Variants in ANKS1A observed in about 807,000 individuals in gnomAD.
ANKS1A encodes the protein ankyrin repeat and SAM domain-containing protein 1A.
A neutral mutation model predicts 120.3 loss-of-function variants in ANKS1A; 55 were observed. The ratio of observed to expected loss-of-function variants is 0.46; its 90% CI spans 0.37 to 0.57. The LOEUF (loss-of-function observed/expected upper bound fraction) is 0.57. ANKS1A is among the 20% of genes least tolerant of loss of function. The pLI is 0.00. For synonymous variants in ANKS1A, 590 were observed against 604.7 expected (o/e 0.98, Z 0.36); for missense variants, 1,123 against 1,480.3 (o/e 0.76, Z 3.96).
intron 9 of ANKS1A, among the ~76,000 whole-genome samples, chr6:34,991,539 T>TACACACACAC (rs1309916304): frequency 1.2e-5 from 1 of 85,082 alleles, no homozygotes; most frequent in Admixed American, 1.3e-4. Flanking sequence ...AAAAAAAATA[T>TACACACACAC]ATACACACAC....
chr6:35,056,549 A>G (rs761766013), intron 12 of ANKS1A, among the ~76,000 whole-genome samples: 228 of 152,258 alleles, frequency 1.5e-3, no homozygotes, highest in African/African-American at 4.8e-3. Flanking sequence ...CGGCCTCCCA[A>G]AGTGCTGGGA....
chr6:35,092,710 TC>T (rs746605245), downstream of ANKS1A, among the ~76,000 whole-genome samples: 79 of 152,320 alleles, frequency 5.2e-4, no homozygotes, highest in Non-Finnish European at 3.2e-4. Context: ...CATCATCCCT[TC>T]TGGGACCACC....
chr6:34,955,877 C>T (rs1770336938), intron 1 of ANKS1A, among the ~76,000 whole-genome samples: 2 of 152,148 alleles, frequency 1.3e-5, no homozygotes, highest in Non-Finnish European at 2.9e-5. Flanking sequence ...TCTGGTGGCG[C>T]TTAATTCTTT....
chr6:34,961,967 A>C (rs1332432288), intron 1 of ANKS1A, among the ~76,000 whole-genome samples: 1 of 152,174 alleles, frequency 6.6e-6, no homozygotes, highest in Non-Finnish European at 1.5e-5. Flanking sequence ...TTCGTGTGTG[A>C]TTTGGGGCAA....
chr6:35,095,295 G>A (rs190660402), downstream of ANKS1A, among the ~76,000 whole-genome samples: 28 of 152,114 alleles, frequency 1.8e-4, no homozygotes, highest in East Asian at 1.9e-3. Context: ...ATTTCTGGCC[G>A]GGCATGGTGA....
At chr6:35,063,475 G>A (rs1055762504) in intron 13 of ANKS1A, among the ~76,000 whole-genome samples, 5 of 152,258 alleles carry the variant, frequency 3.3e-5, no homozygotes, top group African/African-American at 9.6e-5. Flanking sequence ...GGAGTGCTAA[G>A]TAGATATTTA....
chr6:35,012,646 T>C (rs978218543), intron 10 of ANKS1A, among the ~76,000 whole-genome samples: 2 of 152,232 alleles, frequency 1.3e-5, no homozygotes, highest in Admixed American at 1.3e-4. Flanking sequence ...TGAAGTGTTA[T>C]TATTCAAAAG....
intron 2 of ANKS1A, 70 bp downstream of exon 2, chr6:34,967,389 T>G: frequency 1.3e-6 from 2 of 1,528,176 alleles, no homozygotes. Flanking sequence ...CCTTTTCATT[T>G]CCTAGAAAAG....
In ANKS1A at chr6:35,002,184, G is replaced by A. The variant is rs117285405; in HGVS notation, c.1423+7762G>A. Among the ~76,000 whole-genome samples the A allele has an allele frequency of 5.3e-4, 80 of 152,182 alleles. No individual in the cohort carries two copies. The East Asian group carries it at 0.013, about 24-fold the overall frequency. On this transcript the variant is annotated intron_variant, in intron 10 of 23. Transcript: ENST00000360359. ...CCTCACTCTTGGTATCAGAGAGCCC[G>A]GTTAAACATAACTGTGTAGAGGCAT...
intron 8 of ANKS1A, among the ~76,000 whole-genome samples, chr6:34,986,476 C>T (rs1370333576): frequency 6.6e-6 from 1 of 152,186 alleles, no homozygotes; most frequent in East Asian, 1.9e-4. Context: ...AGTGCTAACC[C>T]CATCTGGAGA....
intron 23 of ANKS1A, among the ~76,000 whole-genome samples, chr6:35,088,269 G>T (rs1450210963): frequency 1.3e-5 from 2 of 152,238 alleles, no homozygotes; most frequent in East Asian, 3.8e-4. Flanking sequence ...AATCAGTTTG[G>T]ATGGCAGGAG....
At chr6:34,891,641 T>C (rs1766827971) in intron 1 of ANKS1A, among the ~76,000 whole-genome samples, 1 of 152,180 alleles carries the variant, frequency 6.6e-6, no homozygotes, top group Non-Finnish European at 1.5e-5. Flanking sequence ...TTCTTTTTTT[T>C]TTTTGGAGAC....
intron 1 of ANKS1A, among the ~76,000 whole-genome samples, chr6:34,941,963 G>T (rs1158413066): frequency 2.6e-5 from 4 of 152,172 alleles, no homozygotes; most frequent in African/African-American, 4.8e-5. Flanking sequence ...GTTATTAGAG[G>T]TGATGCTATT....
chr6:34,928,448 C>T lies in ANKS1A; in HGVS notation c.198-38791C>T, dbSNP rs989345265. Among the ~76,000 whole-genome samples, 27 of 152,194 alleles carry T rather than the reference C, an allele frequency of 1.8e-4. 1 individual carries two copies. Among genetic ancestry groups the T allele is most frequent in the Admixed American group, 1.8e-3 (27 of 15,280 alleles). ...CAGGCCAAGGCTTTATCCCAAACTC[C>T]CAAGTAAAAGCATTATCACAGCAGG... On this transcript the variant is annotated intron_variant, in intron 1 of 23. Coordinates refer to ENST00000360359, the MANE Select transcript of ANKS1A (RefSeq NM_015245.3).
At chr6:34,947,927 T>A (rs1342687420) in intron 1 of ANKS1A, among the ~76,000 whole-genome samples, 1 of 152,182 alleles carries the variant, frequency 6.6e-6, no homozygotes, top group Admixed American at 6.5e-5. Flanking sequence ...TAAATACAGA[T>A]CTCAGTAGAG....
At chr6:34,940,983 A>G (rs1215276912) in intron 1 of ANKS1A, among the ~76,000 whole-genome samples, 2 of 151,920 alleles carry the variant, frequency 1.3e-5, no homozygotes, top group Non-Finnish European at 2.9e-5. Context: ...TAGTATTTCT[A>G]CCTCTAAAAA....
chr6:35,051,531 G>A (rs1455192956), intron 11 of ANKS1A, among the ~76,000 whole-genome samples: 4 of 152,206 alleles, frequency 2.6e-5, no homozygotes, highest in Non-Finnish European at 2.9e-5. Context: ...GTGGAGAACA[G>A]CTTTTCCAGT....
At chr6:35,076,690 G>A (rs1008202885) in intron 13 of ANKS1A, among the ~76,000 whole-genome samples, 5 of 152,142 alleles carry the variant, frequency 3.3e-5, no homozygotes, top group Admixed American at 6.5e-5. Flanking sequence ...GTGCAGTGGC[G>A]TGATCTCGGC....
intron 3 of ANKS1A, among the ~76,000 whole-genome samples, chr6:34,978,327 C>A (rs959147872): frequency 6.6e-6 from 1 of 152,146 alleles, no homozygotes; most frequent in African/African-American, 2.4e-5. Context: ...GGGCTATTTC[C>A]TCTCACTCCA....
Sources: allele counts gnomAD v4.1 joint callset (sites outside exome capture counted in the v4.1 genomes callset), GRCh38; gene constraint gnomAD v4.1.1; transcripts MANE v1.5; gene names NCBI Gene and HGNC (gene_info 2026-07-23, HGNC 2026-07-21).